Variants in SMAD9 observed in about 807,000 individuals in gnomAD.
The protein encoded by SMAD9 is MAD homolog 9.
A neutral mutation model predicts 46.1 loss-of-function variants in SMAD9; 36 were observed. The ratio of observed to expected loss-of-function variants is 0.78; its 90% confidence interval spans 0.60 to 1.03. The LOEUF (loss-of-function observed/expected upper bound fraction) is 1.03. Among genes scored for constraint, SMAD9 ranks in the 50% least tolerant of loss-of-function variants. The pLI is 0.00. For missense variants in SMAD9, 572 were observed against 599.8 expected (o/e 0.95, Z 0.48); for synonymous variants, 245 against 237.1 (o/e 1.03, Z -0.31).
chr13:36,897,837 A>C (rs1798198283), intron 1 of SMAD9, among the ~76,000 whole-genome samples: 1 of 150,848 alleles, frequency 6.6e-6, no homozygotes, highest in South Asian at 2.1e-4. Context: ...AGGTAACAGA[A>C]ATGTCCTGTG....
intron 1 of SMAD9, among the ~76,000 whole-genome samples, chr13:36,906,596 T>C (rs2089033497): frequency 6.6e-6 from 1 of 152,122 alleles, no homozygotes; most frequent in Admixed American, 6.5e-5. Context: ...AGCACTAGAA[T>C]AGACACTTCT....
At chr13:36,872,586 G>T in intron 3 of SMAD9, 72 bp downstream of exon 3, 1 of 1,503,000 alleles carries the variant, frequency 6.7e-7, no homozygotes, top group South Asian at 1.1e-5. Context: ...CTGTCATTGT[G>T]ACTGTTCATC....
At chr13:36,878,451 G>A (rs892848863) in intron 2 of SMAD9, among the ~76,000 whole-genome samples, 5 of 152,140 alleles carry the variant, frequency 3.3e-5, no homozygotes, top group African/African-American at 9.7e-5. Context: ...ATAGCCTAAC[G>A]GTGTAGCAGG....
intron 1 of SMAD9, among the ~76,000 whole-genome samples, chr13:36,912,356 T>C (rs572437794): frequency 2.0e-5 from 3 of 152,272 alleles, no homozygotes; most frequent in East Asian, 3.9e-4. Flanking sequence ...GTGGTTCAAG[T>C]ATCAACAATG....
intron 5 of SMAD9, among the ~76,000 whole-genome samples, chr13:36,858,620 AC>A (rs1191928880): frequency 7.9e-5 from 12 of 152,154 alleles, no homozygotes; most frequent in African/African-American, 2.4e-4. Context: ...TGTCTCCCTT[AC>A]CACTGCTGCT....
In SMAD9 at chr13:36,844,897, C is replaced by G. The variant is rs2058028799; in HGVS notation, c.*3779G>C. On this transcript the variant is annotated 3_prime_UTR_variant, in exon 7 of 7. Transcript: ENST00000379826. ...TATAAGTGTGCATTTGATGGATAAC[C>G]GAAGCCAAGTTATTATAATAGAAAG... is the stretch of plus-strand genomic sequence containing the variant. 1 of 137,570 alleles carries G rather than the reference C, an allele frequency of 7.3e-6. No individual in the cohort carries two copies. Among genetic ancestry groups the G allele is most frequent in the East Asian group, 2.2e-4 (1 of 4,574 alleles). 8.5% of individuals were successfully genotyped at this position (137,570 alleles called of 1,614,324 possible). A position where few individuals can be genotyped will look rare whatever the true frequency, so the allele number is the denominator to read the frequency against.
Position 36,845,639 on chromosome 13 carries a change from T to A in SMAD9, c.*3037A>T, listed in dbSNP as rs78289768. 1 of 152,168 alleles carries A rather than the reference T, an allele frequency of 6.6e-6. No homozygotes were observed. The highest frequency in any genetic ancestry group is 2.4e-5 in the African/African-American group (1 of 41,440). 9.4% of individuals were successfully genotyped at this position (152,168 alleles called of 1,614,324 possible). A position where few individuals can be genotyped will look rare whatever the true frequency, so the allele number is the denominator to read the frequency against. On this transcript the variant is annotated 3_prime_UTR_variant, in exon 7 of 7. Transcript: ENST00000379826. Reference sequence around the variant, plus strand: ...AAAGAATGCTATTCAGTTTTTTTTTTAATGTCTACATCAAGGAATGAATGC... The same window carrying A: ...AAAGAATGCTATTCAGTTTTTTTTTAAATGTCTACATCAAGGAATGAATGC...
In SMAD9 at chr13:36,893,839, A is replaced by T. The variant is rs866110545; in HGVS notation, c.-186-13964T>A. On this transcript the variant is annotated intron_variant, in intron 1 of 6. Transcript: ENST00000379826. ...AAGGCAGGGGAGTAGCCCAACAAGAAGATGTGGCATTAGTATGTTATACTG... is the reference window on the plus strand; with the variant it reads ...AAGGCAGGGGAGTAGCCCAACAAGATGATGTGGCATTAGTATGTTATACTG... Among the ~76,000 whole-genome samples, 5 of 152,226 alleles carry T rather than the reference A, an allele frequency of 3.3e-5. No homozygotes were observed. The East Asian group carries it at 5.8e-4, about 18-fold the overall frequency.
At chr13:36,901,823 G>C (rs1462936451) in intron 1 of SMAD9, among the ~76,000 whole-genome samples, 1 of 152,154 alleles carries the variant, frequency 6.6e-6, no homozygotes, top group African/African-American at 2.4e-5. Flanking sequence ...ATCTATTCAA[G>C]TCCCTTGCCC....
rs543509218 is a variant in SMAD9, at chr13:36,880,777, A to G, written c.-186-902T>C. 2.6e-5 allele frequency among the ~76,000 whole-genome samples: 4 copies of G among 152,366 alleles called. No individual in the cohort carries two copies. In the South Asian group the frequency reaches 8.3e-4, roughly 32 times the overall value. On this transcript the variant is annotated intron_variant, in intron 1 of 6. Coordinates refer to ENST00000379826, the MANE Select transcript of SMAD9 (RefSeq NM_001127217.3). ...TAAGCCAAGTATTAAATAGATTTGC[A>G]GTAATATAAAACAATAATACTCTTC... is the stretch of plus-strand genomic sequence containing the variant.
chr13:36,866,069 C>T (rs2058231372), intron 4 of SMAD9, among the ~76,000 whole-genome samples: 2 of 152,150 alleles, frequency 1.3e-5, no homozygotes, highest in Admixed American at 1.3e-4. Flanking sequence ...CATAAAAAAA[C>T]TGTCGGCCCT....
At chr13:36,890,310 G>A (rs1457551584) in intron 1 of SMAD9, among the ~76,000 whole-genome samples, 2 of 152,178 alleles carry the variant, frequency 1.3e-5, no homozygotes, top group Non-Finnish European at 2.9e-5. Flanking sequence ...GAAGGGCACT[G>A]AAGAATATCA....
At chr13:36,894,932 CT>C (rs1445462737) in intron 1 of SMAD9, among the ~76,000 whole-genome samples, 2 of 152,156 alleles carry the variant, frequency 1.3e-5, no homozygotes, top group Non-Finnish European at 2.9e-5. Context: ...GACAAATTCC[CT>C]TATGTCACAC....
chr13:36,917,019 T>A (rs2058703538), intron 1 of SMAD9, among the ~76,000 whole-genome samples: 1 of 151,906 alleles, frequency 6.6e-6, no homozygotes, highest in Admixed American at 6.6e-5. Context: ...TGGTCTTGGG[T>A]CAGCCTAACA....
intron 1 of SMAD9, among the ~76,000 whole-genome samples, chr13:36,908,717 AG>A (rs112169289): frequency 2.6e-4 from 39 of 152,358 alleles, no homozygotes; most frequent in African/African-American, 8.9e-4. Flanking sequence ...AATAGTCAAA[AG>A]GAAAAAAAAG....
chr13:36,872,702 G>T lies in SMAD9; in HGVS notation c.626C>A (p.Ser209Tyr). 3 of 1,614,036 alleles carry T rather than the reference G, an allele frequency of 1.9e-6. No individual in the cohort carries two copies. The South Asian group carries it at 3.3e-5, about 18-fold the overall frequency. ...CTCTGGCTCAGAAGGACTTCCTGGG[G>T]AGTGAGGGTAGCTGGCCGTGCACGG... ...QSPCTASYPHSPGSPSEPESP... is the reference protein window; with the variant it reads ...QSPCTASYPHYPGSPSEPESP... Residue 209 changes from serine to tyrosine, a missense_variant, in exon 3 of 7, where the codon TCC (serine) becomes TAC (tyrosine). By Grantham distance (144) the Ser-to-Tyr change is moderately radical. Coordinates refer to ENST00000379826, the MANE Select transcript of SMAD9 (RefSeq NM_001127217.3).
chr13:36,915,430 T>C (rs2058691291), intron 1 of SMAD9, among the ~76,000 whole-genome samples: 1 of 152,036 alleles, frequency 6.6e-6, no homozygotes. Context: ...GAATTAAATA[T>C]GAAAAAGAAA....
chr13:36,888,780 G>C (rs1178785936), intron 1 of SMAD9, among the ~76,000 whole-genome samples: 1 of 152,148 alleles, frequency 6.6e-6, no homozygotes, highest in Non-Finnish European at 1.5e-5. Flanking sequence ...TCTGAAATGG[G>C]AATACAGAGT....
intron 5 of SMAD9, among the ~76,000 whole-genome samples, chr13:36,863,280 GC>G (rs1566017561): frequency 2.0e-5 from 3 of 152,146 alleles, no homozygotes. Flanking sequence ...TTATGGCAAG[GC>G]TTGTGGCATG....
Sources: allele counts gnomAD v4.1 joint callset (sites outside exome capture counted in the v4.1 genomes callset), GRCh38; gene constraint gnomAD v4.1.1; transcripts MANE v1.5; gene names NCBI Gene and HGNC (gene_info 2026-07-23, HGNC 2026-07-21).